Variants in CCDC91 observed in about 807,000 individuals in gnomAD.
The protein encoded by CCDC91 is coiled-coil domain containing 91.
In CCDC91, 48 loss-of-function variants were observed where a neutral mutation model predicts 63.2. The observed-to-expected ratio is 0.76, with a 90% CI of 0.60 to 0.97. The LOEUF is 0.97. Ranked by LOEUF, CCDC91 falls within the 50% of genes least tolerant of loss-of-function variation. The pLI is 0.00. For synonymous variants in CCDC91, 167 were observed against 165.8 expected (o/e 1.01, Z -0.06); for missense variants, 500 against 494.6 (o/e 1.01, Z -0.10).
chr12:28,432,834 C>T (rs1038363927), intron 8 of CCDC91, among the ~76,000 whole-genome samples: 1 of 152,040 alleles, frequency 6.6e-6, no homozygotes, highest in African/African-American at 2.4e-5. Flanking sequence ...TTTGGTTATG[C>T]ACCAGCAATA....
chr12:28,473,577 T>A (rs546731683), intron 11 of CCDC91, among the ~76,000 whole-genome samples: 1 of 152,302 alleles, frequency 6.6e-6, no homozygotes, highest in Non-Finnish European at 1.5e-5. Flanking sequence ...TTAGTGTTTC[T>A]CACCTTTTTT....
At chr12:28,413,282 G>C (rs1289744159) in intron 8 of CCDC91, among the ~76,000 whole-genome samples, 1 of 152,046 alleles carries the variant, frequency 6.6e-6, no homozygotes, top group East Asian at 1.9e-4. Context: ...CCAACTAAGA[G>C]CCTGTTGAAG....
intron 6 of CCDC91, among the ~76,000 whole-genome samples, chr12:28,332,872 ATGTCATAGCCTT>A (rs1487321683): frequency 6.6e-6 from 1 of 151,896 alleles, no homozygotes; most frequent in African/African-American, 2.4e-5. Flanking sequence ...TTCGTAAGGC[ATGTCATAGCCTT>A]TGCACTTATG....
intron 1 of CCDC91, among the ~76,000 whole-genome samples, chr12:28,245,682 A>G (rs1428697667): frequency 1.3e-5 from 2 of 152,178 alleles, no homozygotes; most frequent in African/African-American, 4.8e-5. Flanking sequence ...GCATTTCACA[A>G]AGGAGGAACC....
At chr12:28,278,221 A>G (rs909558621) in intron 3 of CCDC91, among the ~76,000 whole-genome samples, 8 of 151,736 alleles carry the variant, frequency 5.3e-5, no homozygotes, top group African/African-American at 1.9e-4. Context: ...TCTCTTTTTC[A>G]TTGTCAGTCA....
intron 1 of CCDC91, among the ~76,000 whole-genome samples, chr12:28,205,881 C>A (rs532523424): frequency 1.3e-5 from 2 of 152,198 alleles, no homozygotes; most frequent in African/African-American, 4.8e-5. Context: ...TTTAGCAGTT[C>A]TCCCCTTTTG....
rs1165439939 is a variant in CCDC91 at position 28,425,742 on chromosome 12, C to G, written c.763-24419C>G. Among the ~76,000 whole-genome samples, 5 of 152,164 alleles carry G rather than the reference C, an allele frequency of 3.3e-5. No individual in the cohort carries two copies. The East Asian group carries it at 7.7e-4, about 23-fold the overall frequency. On this transcript the variant is annotated intron_variant, in intron 8 of 12. Coordinates refer to ENST00000536442, the MANE Select transcript of CCDC91 (RefSeq NM_018318.5). ...CTTAAGCAGTGGTTCTCAAAGTATG[C>G]TTTTTGGACCAGCAGGCTTCAGTAT...
chr12:28,290,342 T>G (rs1949166914), intron 3 of CCDC91, among the ~76,000 whole-genome samples: 1 of 152,232 alleles, frequency 6.6e-6, no homozygotes, highest in Non-Finnish European at 1.5e-5. Context: ...TTTTTCTGAT[T>G]TCCATTTGCT....
rs184816695 is a variant in CCDC91 at position 28,231,282 on chromosome 12, G to A, written c.-14-25920G>A. Reference sequence around the variant, plus strand: ...TACATGCCAGGTAAATTTTTTAAATGGACTTTCCATAGGTTCCAAACTTCT... The same window carrying A: ...TACATGCCAGGTAAATTTTTTAAATAGACTTTCCATAGGTTCCAAACTTCT... On this transcript the variant is annotated intron_variant, in intron 1 of 12. Transcript: ENST00000536442. Among the ~76,000 whole-genome samples, 4 of 152,210 alleles carry A rather than the reference G, an allele frequency of 2.6e-5. No individual in the cohort carries two copies. The East Asian group carries it at 7.7e-4, about 29-fold the overall frequency.
intron 8 of CCDC91, among the ~76,000 whole-genome samples, chr12:28,430,418 A>C (rs1397986254): frequency 6.6e-6 from 1 of 152,066 alleles, no homozygotes; most frequent in Non-Finnish European, 1.5e-5. Flanking sequence ...AGGAGTTCAC[A>C]CTCTGGAATG....
At chr12:28,539,399 C>T (rs919529697) in intron 12 of CCDC91, among the ~76,000 whole-genome samples, 2 of 152,084 alleles carry the variant, frequency 1.3e-5, no homozygotes, top group Non-Finnish European at 2.9e-5. Context: ...TCAGGTTTGT[C>T]AAAGATCAGA....
intron 6 of CCDC91, among the ~76,000 whole-genome samples, chr12:28,327,385 A>G (rs1186426075): frequency 1.3e-5 from 2 of 152,048 alleles, no homozygotes; most frequent in Non-Finnish European, 2.9e-5. Flanking sequence ...TCCCTTCCAA[A>G]CCATGTGTGT....
In CCDC91 at chr12:28,388,268, C is replaced by T. The variant is rs145152886; in HGVS notation, c.655-3036C>T. 4.9e-3 allele frequency among the ~76,000 whole-genome samples: 740 copies of T among 152,088 alleles called. 13 individuals are homozygous for T. The highest frequency in any genetic ancestry group is 0.016 in the African/African-American group (673 of 41,506). On this transcript the variant is annotated intron_variant, in intron 7 of 12. Coordinates refer to ENST00000536442, the MANE Select transcript of CCDC91 (RefSeq NM_018318.5). Reference sequence around the variant, plus strand: ...TGTTGTAAGTCCTAGCCAGAGCAATCAGACAATAGAAAGAAAAAGGGCATC... The same window carrying T: ...TGTTGTAAGTCCTAGCCAGAGCAATTAGACAATAGAAAGAAAAAGGGCATC...
At chr12:28,329,455 T>C (rs1941306301) in intron 6 of CCDC91, among the ~76,000 whole-genome samples, 1 of 152,102 alleles carries the variant, frequency 6.6e-6, no homozygotes, top group Non-Finnish European at 1.5e-5. Flanking sequence ...CTTGTGCATA[T>C]ACCTAAATAT....
At chr12:28,311,279 C>T (rs867673806) in intron 6 of CCDC91, among the ~76,000 whole-genome samples, 11 of 151,990 alleles carry the variant, frequency 7.2e-5, no homozygotes, top group Admixed American at 2.0e-4. Context: ...GGGTGCCTTA[C>T]TGTGAGATTA....
At chr12:28,509,355 T>C (rs118016388) in intron 12 of CCDC91, among the ~76,000 whole-genome samples, 2,089 of 151,970 alleles carry the variant, frequency 0.014, 22 homozygotes, top group Non-Finnish European at 0.023. Flanking sequence ...TTCATGGCAT[T>C]GGTCTGGGAT....
intron 1 of CCDC91, among the ~76,000 whole-genome samples, chr12:28,249,818 A>G (rs1473834253): frequency 1.3e-5 from 2 of 152,102 alleles, no homozygotes; most frequent in African/African-American, 2.4e-5. Flanking sequence ...CTCTTTTAAA[A>G]TGTGAGGAGA....
At chr12:28,267,896 A>AT (rs1947419520) in intron 3 of CCDC91, among the ~76,000 whole-genome samples, 7 of 83,234 alleles carry the variant, frequency 8.4e-5, no homozygotes, top group Admixed American at 6.0e-4. Context: ...TTATAATTAT[A>AT]TATAATTATA....
At position 28,259,409 on chromosome 12, in the gene CCDC91, TCTC is replaced by T; in HGVS notation, c.79_81del (p.Pro27del). 6.2e-7 allele frequency: 1 copy of T among 1,611,682 alleles called. No homozygotes were observed. Among genetic ancestry groups the T allele is most frequent in the Non-Finnish European group, 8.5e-7 (1 of 1,178,318 alleles). On this transcript the variant is annotated inframe_deletion, in exon 3 of 13. Coordinates refer to ENST00000536442, the MANE Select transcript of CCDC91 (RefSeq NM_018318.5). ...TGGAAGTGGTGAAACCCAAACAACATCTCCTGCTATTCCTTGGGCTGCCTTTCC... is the reference window on the plus strand; with the variant it reads ...TGGAAGTGGTGAAACCCAAACAACATCTGCTATTCCTTGGGCTGCCTTTCC...
Sources: allele counts gnomAD v4.1 joint callset (sites outside exome capture counted in the v4.1 genomes callset), GRCh38; gene constraint gnomAD v4.1.1; transcripts MANE v1.5; gene names NCBI Gene and HGNC (gene_info 2026-07-23, HGNC 2026-07-21).